Variants in AKAP6 observed in about 807,000 individuals in gnomAD.
AKAP6 encodes A-kinase anchor protein 6.
In AKAP6, 58 loss-of-function variants were observed where a neutral mutation model predicts 188.5. The ratio of observed to expected loss-of-function variants is 0.31; its 90% confidence interval spans 0.25 to 0.38. The LOEUF is 0.38. Ranked by LOEUF, AKAP6 falls within the 10% of genes least tolerant of loss-of-function variation. The probability of loss-of-function intolerance (pLI) is 1.00; values close to 1 mark genes in which losing one functional copy is unlikely to be tolerated. For synonymous variants in AKAP6, 989 were observed against 998.6 expected (o/e 0.99, Z 0.18); for missense variants, 2,710 against 2,740.0 (o/e 0.99, Z 0.24).
intron 7 of AKAP6, among the ~76,000 whole-genome samples, chr14:32,641,646 G>A (rs2139493267): frequency 6.6e-6 from 1 of 152,192 alleles, no homozygotes; most frequent in South Asian, 2.1e-4. Flanking sequence ...TGGTGATGGA[G>A]ACTGGTTGAA....
chr14:32,625,152 C>T (rs1287531971), intron 7 of AKAP6, among the ~76,000 whole-genome samples: 1 of 152,070 alleles, frequency 6.6e-6, no homozygotes, highest in African/African-American at 2.4e-5. Context: ...TTCCTTCCCA[C>T]TGTGAAAAGG....
intron 1 of AKAP6, among the ~76,000 whole-genome samples, chr14:32,430,524 G>A (rs1890183588): frequency 6.6e-6 from 1 of 152,194 alleles, no homozygotes; most frequent in Non-Finnish European, 1.5e-5. Context: ...TGTTTTTTCA[G>A]TTGTGCAGGG....
At chr14:32,677,726 C>T (rs1229261077) in intron 7 of AKAP6, among the ~76,000 whole-genome samples, 1 of 152,112 alleles carries the variant, frequency 6.6e-6, no homozygotes, top group East Asian at 1.9e-4. Context: ...TACAGTGAGC[C>T]CTAAGTATGA....
chr14:32,778,553 T>C lies in AKAP6; in HGVS notation c.3588+4660T>C, dbSNP rs139279582. On this transcript the variant is annotated intron_variant, in intron 12 of 13. Coordinates refer to ENST00000280979, the MANE Select transcript of AKAP6 (RefSeq NM_004274.5). ...TATGGTTTTGGGTTTTTTTTATTTG[T>C]TTGTATTTTTAGATACGGGGTCTTA... Among the ~76,000 whole-genome samples the C allele has an allele frequency of 1.0e-3, 158 of 152,152 alleles. 3 individuals are homozygous for C. Among genetic ancestry groups the C allele is most frequent in the East Asian group, 2.7e-3 (14 of 5,184 alleles).
At chr14:32,466,739 C>CAAAA (rs71432057) in intron 2 of AKAP6, among the ~76,000 whole-genome samples, 2 of 106,184 alleles carry the variant, frequency 1.9e-5, no homozygotes, top group Non-Finnish European at 3.6e-5. Flanking sequence ...ACTTAAAGTT[C>CAAAA]AAAAAAAAAA....
rs118090492 is a variant in AKAP6 at position 32,598,003 on chromosome 14, G to C, written c.2470-1407G>C. On this transcript the variant is annotated intron_variant, in intron 5 of 13. Transcript: ENST00000280979. ...ACTTCATTCTCTAGTAACATGTTCA[G>C]TTGCCCTTTGGGGCCAGAGGCCGTG... is the stretch of plus-strand genomic sequence containing the variant. Among the ~76,000 whole-genome samples the C allele has an allele frequency of 1.4e-4, 22 of 152,262 alleles. No individual in the cohort carries two copies. In the East Asian group the frequency reaches 4.0e-3, roughly 28 times the overall value.
chr14:32,576,753 G>A (rs1884736496), intron 4 of AKAP6, among the ~76,000 whole-genome samples: 2 of 152,148 alleles, frequency 1.3e-5, no homozygotes, highest in African/African-American at 4.8e-5. Flanking sequence ...CAAAGCCAAC[G>A]AGTGTTCCTA....
chr14:32,579,659 T>C (rs1008681801), intron 5 of AKAP6, among the ~76,000 whole-genome samples: 2 of 152,134 alleles, frequency 1.3e-5, no homozygotes, highest in African/African-American at 2.4e-5. Flanking sequence ...CAAACATCTT[T>C]CAATCAAATT....
intron 1 of AKAP6, among the ~76,000 whole-genome samples, chr14:32,413,384 T>G (rs545712938): frequency 6.6e-6 from 1 of 152,090 alleles, no homozygotes; most frequent in Non-Finnish European, 1.5e-5. Context: ...GGTCTCATTC[T>G]GTTGCCCAGG....
In AKAP6 at chr14:32,823,615, G is replaced by A. The variant is rs2034592366; in HGVS notation, c.5802G>A (p.Lys1934=). The change falls in exon 13 of 14, where the codon AAG becomes AAA. Residue 1934 remains lysine, a synonymous_variant. Coordinates refer to ENST00000280979, the MANE Select transcript of AKAP6 (RefSeq NM_004274.5). ...GKEISESEHC[K]CKALMDSLDD... ...AGATTTCAGAGAGTGAGCATTGTAA[G>A]TGTAAAGCACTTATGGATAGTTTAG... 1 of 1,613,904 alleles carries A rather than the reference G, an allele frequency of 6.2e-7. No individual in the cohort carries two copies. The highest frequency in any genetic ancestry group is 1.3e-5 in the African/African-American group (1 of 75,026).
rs1379344127 is a variant in AKAP6 at position 32,834,006 on chromosome 14, A to C, written c.*4201A>C. On this transcript the variant is annotated 3_prime_UTR_variant, in exon 14 of 14. Coordinates refer to ENST00000280979, the MANE Select transcript of AKAP6 (RefSeq NM_004274.5). ...TAAATCATTTGAAATTAAATTGTAG[A>C]GTATGATACTTCATCTGCAAATACT... The C allele has an allele frequency of 6.6e-6, 1 of 152,238 alleles. No homozygotes were observed. Among genetic ancestry groups the C allele is most frequent in the Non-Finnish European group, 1.5e-5 (1 of 68,046 alleles). The allele number at this position is 152,238 out of a possible 1,614,324, so 9.4% of individuals were successfully genotyped here.
At chr14:32,538,318 G>C (rs1291963461) in intron 3 of AKAP6, among the ~76,000 whole-genome samples, 3 of 151,846 alleles carry the variant, frequency 2.0e-5, no homozygotes, top group Non-Finnish European at 4.4e-5. Context: ...AATGATGAGG[G>C]AAATGGCAAA....
intron 1 of AKAP6, among the ~76,000 whole-genome samples, chr14:32,330,705 T>A (rs1269660830): frequency 6.8e-6 from 1 of 148,010 alleles, no homozygotes; most frequent in East Asian, 2.0e-4. Flanking sequence ...TTTAGCTAGC[T>A]TGGAGTGATT....
chr14:32,827,890 A>G (rs2034714029), intron 13 of AKAP6, among the ~76,000 whole-genome samples: 2 of 152,140 alleles, frequency 1.3e-5, no homozygotes, highest in Non-Finnish European at 2.9e-5. Context: ...AATTTAACTC[A>G]TCATATGCGG....
At chr14:32,347,154 T>C (rs1887095266) in intron 1 of AKAP6, among the ~76,000 whole-genome samples, 1 of 152,214 alleles carries the variant, frequency 6.6e-6, no homozygotes, top group Admixed American at 6.5e-5. Context: ...TGTATGTAAA[T>C]CAGAAATCCT....
intron 4 of AKAP6, among the ~76,000 whole-genome samples, chr14:32,569,645 C>T (rs10129878): frequency 0.024 from 3,657 of 152,166 alleles, 151 homozygotes; most frequent in African/African-American, 0.08. Context: ...ATGTGTATAA[C>T]GAATTATGCC....
At chr14:32,599,066 A>G (rs1228449298) in intron 5 of AKAP6, among the ~76,000 whole-genome samples, 1 of 152,158 alleles carries the variant, frequency 6.6e-6, no homozygotes, top group Non-Finnish European at 1.5e-5. Context: ...TATCACTAAC[A>G]TTTCTAAAAA....
intron 4 of AKAP6, among the ~76,000 whole-genome samples, chr14:32,559,783 CT>C (rs35914295): frequency 0.13 from 15,480 of 118,994 alleles, 892 homozygotes; most frequent in African/African-American, 0.16. Context: ...TAAGCCTAAT[CT>C]TTTTTTTTTT....
chr14:32,745,459 CATT>C (rs2031855711), intron 11 of AKAP6, among the ~76,000 whole-genome samples: 1 of 102,302 alleles, frequency 9.8e-6, no homozygotes, highest in East Asian at 3.2e-4. Flanking sequence ...AATATTTATT[CATT>C]CTCTCTCTCT....
Sources: allele counts gnomAD v4.1 joint callset (sites outside exome capture counted in the v4.1 genomes callset), GRCh38; gene constraint gnomAD v4.1.1; transcripts MANE v1.5; gene names NCBI Gene and HGNC (gene_info 2026-07-23, HGNC 2026-07-21).